Variants in ANK3 observed in about 807,000 individuals in gnomAD.
ANK3 encodes ankyrin-3.
Under a neutral mutation model 370.9 loss-of-function variants are expected in ANK3, and 57 were observed. That is an observed-to-expected ratio of 0.15 (90% CI 0.12 to 0.19). The LOEUF (loss-of-function observed/expected upper bound fraction) is 0.19. Ranked by LOEUF, ANK3 falls within the 10% of genes least tolerant of loss-of-function variation. The pLI, the probability that ANK3 is intolerant of heterozygous loss-of-function variation, is 1.00. For missense variants in ANK3, 4,439 were observed against 5,302.1 expected (o/e 0.84, Z 5.06); for synonymous variants, 1,929 against 1,946.3 (o/e 0.99, Z 0.23).
intron 8 of ANK3, among the ~76,000 whole-genome samples, chr10:60,217,146 T>G (rs963667812): frequency 1.3e-5 from 2 of 152,166 alleles, no homozygotes; most frequent in Non-Finnish European, 2.9e-5. Context: ...TATTTGATTC[T>G]TCTCTCTTTT....
chr10:60,073,910 GGTTTCA>G lies in ANK3; in HGVS notation c.6965_6970del (p.Met2322_Pro2324delinsThr), dbSNP rs1554876382. ...GACTTCTATTATACGCTCCAGTTTG[GGTTTCA>G]TTTGGTTGTCCTTCTCTGCATGCTG... On this transcript the variant is annotated inframe_deletion, in exon 37 of 44. Transcript: ENST00000280772. The G allele has an allele frequency of 1.2e-6, 2 of 1,613,838 alleles. No individual in the cohort carries two copies. Among genetic ancestry groups the G allele is most frequent in the Non-Finnish European group, 1.7e-6 (2 of 1,179,966 alleles).
chr10:60,434,914 G>GCT (rs1359869768), intron 2 of ANK3, among the ~76,000 whole-genome samples: 5 of 152,132 alleles, frequency 3.3e-5, no homozygotes, highest in South Asian at 2.1e-4. Flanking sequence ...CAGCAAGTAT[G>GCT]CTCACTTTTT....
intron 42 of ANK3, chr10:60,044,108 A>G: frequency 3.0e-6 from 3 of 985,732 alleles, no homozygotes; most frequent in African/African-American, 3.5e-5. Context: ...TGGGATAACA[A>G]TTCGTCTTAA....
chr10:60,497,097 T>C (rs1268892583), intron 2 of ANK3, among the ~76,000 whole-genome samples: 2 of 151,500 alleles, frequency 1.3e-5, no homozygotes, highest in African/African-American at 4.9e-5. Flanking sequence ...AGCCCAGGAG[T>C]TTGAGACCAG....
chr10:60,152,172 C>T (rs1412535073), intron 23 of ANK3, among the ~76,000 whole-genome samples: 1 of 152,160 alleles, frequency 6.6e-6, no homozygotes, highest in Non-Finnish European at 1.5e-5. Flanking sequence ...CAACTCTGAT[C>T]CTATGGCACT....
intron 7 of ANK3, among the ~76,000 whole-genome samples, chr10:60,235,217 G>A (rs2097310108): frequency 6.6e-6 from 1 of 152,162 alleles, no homozygotes; most frequent in Non-Finnish European, 1.5e-5. Context: ...GGTTCCAGTG[G>A]GAGCATCAGG....
intron 2 of ANK3, among the ~76,000 whole-genome samples, chr10:60,515,564 A>G (rs1485852746): frequency 6.6e-6 from 1 of 152,172 alleles, no homozygotes; most frequent in East Asian, 1.9e-4. Flanking sequence ...AATCATTATT[A>G]AAATATATGT....
At chr10:60,411,956 G>T (rs1272062824) in intron 2 of ANK3, among the ~76,000 whole-genome samples, 2 of 152,108 alleles carry the variant, frequency 1.3e-5, no homozygotes, top group Non-Finnish European at 2.9e-5. Context: ...AATGGATCCT[G>T]CAATCTTTCT....
chr10:60,035,873 A>T (rs1416038381), intron 43 of ANK3, among the ~76,000 whole-genome samples: 4 of 151,324 alleles, frequency 2.6e-5, no homozygotes, highest in Non-Finnish European at 5.9e-5. Context: ...TAAAATAAAA[A>T]ATATTATATA....
At chr10:60,452,839 G>C (rs2064645964) in intron 2 of ANK3, among the ~76,000 whole-genome samples, 1 of 152,154 alleles carries the variant, frequency 6.6e-6, no homozygotes, top group African/African-American at 2.4e-5. Flanking sequence ...CTACTGGAAA[G>C]TTCCACATAA....
chr10:60,594,476 C>T (rs1301143399), intron 2 of ANK3, among the ~76,000 whole-genome samples: 6 of 152,072 alleles, frequency 3.9e-5, no homozygotes, highest in African/African-American at 1.2e-4. Flanking sequence ...TGATTCTTTC[C>T]AGTCTTATTC....
At chr10:60,144,814 A>G (rs769495203) in intron 23 of ANK3, among the ~76,000 whole-genome samples, 1 of 152,208 alleles carries the variant, frequency 6.6e-6, no homozygotes, top group Non-Finnish European at 1.5e-5. Context: ...ATGGTCCAGT[A>G]CATGGTGTAA....
At chr10:60,218,808 C>T (rs1408980458) in intron 8 of ANK3, among the ~76,000 whole-genome samples, 2 of 151,916 alleles carry the variant, frequency 1.3e-5, no homozygotes, top group Non-Finnish European at 1.5e-5. Flanking sequence ...CTCTGTATTT[C>T]CTGAATTTGC....
chr10:60,073,858 C>T lies in ANK3; in HGVS notation c.7023G>A (p.Glu2341=). 1 of 1,613,694 alleles carries T rather than the reference C, an allele frequency of 6.2e-7. No individual in the cohort carries two copies. The highest frequency in any genetic ancestry group is 8.5e-7 in the Non-Finnish European group (1 of 1,180,012). Residue 2341 remains glutamate, a synonymous_variant, in exon 37 of 44, where the codon GAG becomes GAA. Transcript: ENST00000280772. ...TTTCTCTAATAATGACTTCAGTGGG[C>T]TCAGCTTGGTTACCTTTTTCGATGT... The part of the protein sequence containing the change: ...EVHIEKGNQA[E]PTEVIIRETK...
chr10:60,170,067 G>C (rs2095740076), intron 21 of ANK3, among the ~76,000 whole-genome samples: 1 of 144,862 alleles, frequency 6.9e-6, no homozygotes, highest in Non-Finnish European at 1.5e-5. Context: ...ACCAATATCT[G>C]TGTGCTAGAG....
At chr10:60,448,984 A>G (rs1159087450) in intron 2 of ANK3, among the ~76,000 whole-genome samples, 1 of 152,170 alleles carries the variant, frequency 6.6e-6, no homozygotes, top group Non-Finnish European at 1.5e-5. Flanking sequence ...TTCATAACAA[A>G]TGTCTCATCT....
At chr10:60,294,159 G>GA (rs1555252301) in intron 1 of ANK3, among the ~76,000 whole-genome samples, 1 of 148,752 alleles carries the variant, frequency 6.7e-6, no homozygotes, top group African/African-American at 2.5e-5. Context: ...TTTCCCAACA[G>GA]TTTTTTTTTT....
At chr10:60,139,879 A>G (rs552833167) in intron 23 of ANK3, 1 of 161,870 alleles carries the variant, frequency 6.2e-6, no homozygotes, top group African/African-American at 2.4e-5. Flanking sequence ...AAGAGTGACA[A>G]GGCAGGTTTT....
At chr10:60,702,627 T>C (rs1233184232) in intron 1 of ANK3, among the ~76,000 whole-genome samples, 3 of 152,200 alleles carry the variant, frequency 2.0e-5, no homozygotes, top group Admixed American at 6.5e-5. Flanking sequence ...CTATATGAAC[T>C]GTACCAAAAG....
Sources: allele counts gnomAD v4.1 joint callset (sites outside exome capture counted in the v4.1 genomes callset), GRCh38; gene constraint gnomAD v4.1.1; transcripts MANE v1.5; gene names NCBI Gene and HGNC (gene_info 2026-07-23, HGNC 2026-07-21).